The following RAD51C variants were observed in gnomAD, a reference collection of about 807,000 sequenced individuals.
RAD51C encodes the protein DNA repair protein RAD51 homolog 3.
A neutral mutation model predicts 45.0 loss-of-function variants in RAD51C; 42 were observed. That is an observed-to-expected ratio of 0.93 (90% CI 0.73 to 1.21). The LOEUF is 1.21. Among genes scored for constraint, RAD51C ranks in the 50% most tolerant of loss-of-function variants. The pLI is 0.00. For missense variants in RAD51C, 474 were observed against 452.2 expected (o/e 1.05, Z -0.44); for synonymous variants, 172 against 159.8 (o/e 1.08, Z -0.58).
intron 7 of RAD51C, chr17:58,732,278 T>G: frequency 2.1e-6 from 1 of 466,282 alleles, no homozygotes; most frequent in Admixed American, 3.5e-5. Context: ...TTAGGTTGCT[T>G]TAAAATTTCA....
chr17:58,694,982 G>T lies in RAD51C; in HGVS notation c.197G>T (p.Arg66Ile). 6.2e-7 allele frequency: 1 copy of T among 1,614,104 alleles called. No individual in the cohort carries two copies. The change falls in exon 2 of 9, where the codon AGA (arginine) becomes ATA (isoleucine). Residue 66 changes from arginine (R) to isoleucine (I), a missense_variant. Arg to Ile is a moderately conservative substitution (Grantham distance 97). Coordinates refer to ENST00000337432, the MANE Select transcript of RAD51C (RefSeq NM_058216.3). Reference protein sequence around the residue: ...EALETLQIIRRECLTNKPRYA... With the variant: ...EALETLQIIRIECLTNKPRYA... ...TTAGAAACTCTGCAAATTATCAGAA[G>T]AGAATGTCTCACAAATAAACCAAGA...
intron 5 of RAD51C, among the ~76,000 whole-genome samples, chr17:58,711,114 TG>T (rs1172325532): frequency 4.6e-5 from 7 of 152,206 alleles, no homozygotes; most frequent in African/African-American, 1.7e-4. Context: ...TTAAATTAAT[TG>T]TAATTTAGCC....
intron 5 of RAD51C, among the ~76,000 whole-genome samples, chr17:58,720,115 A>C (rs2048864090): frequency 6.6e-6 from 1 of 151,142 alleles, no homozygotes; most frequent in Non-Finnish European, 1.5e-5. Context: ...GATTAATTTC[A>C]TATTACTAAA....
chr17:58,712,738 T>C (rs1054791160), intron 5 of RAD51C, among the ~76,000 whole-genome samples: 2 of 151,932 alleles, frequency 1.3e-5, no homozygotes, highest in African/African-American at 4.8e-5. Context: ...GAGAATGGCA[T>C]GAACCCGGGA....
At chr17:58,698,912 A>G (rs541240109) in intron 3 of RAD51C, among the ~76,000 whole-genome samples, 6 of 151,284 alleles carry the variant, frequency 4.0e-5, no homozygotes, top group Admixed American at 3.3e-4. Flanking sequence ...ACAAAAGTGA[A>G]ACTCCTTCTC....
intron 6 of RAD51C, among the ~76,000 whole-genome samples, chr17:58,721,200 T>C (rs1321218174): frequency 6.6e-6 from 1 of 152,072 alleles, no homozygotes; most frequent in Non-Finnish European, 1.5e-5. Flanking sequence ...GAGAATTGCT[T>C]GAACTTGGGA....
rs2049569143 is a variant in RAD51C, at chr17:58,734,238, C to CA, written c.*19dup. 6.2e-7 allele frequency: 1 copy of CA among 1,602,434 alleles called. No individual in the cohort carries two copies. Among genetic ancestry groups the CA allele is most frequent in the Non-Finnish European group, 8.5e-7 (1 of 1,172,784 alleles). ...AGAATTATAACCCAGAAACAAATCT[C>CA]AAAGTGTACAAATTTATTGATGTTG... On this transcript the variant is annotated 3_prime_UTR_variant, in exon 9 of 9. Coordinates refer to ENST00000337432, the MANE Select transcript of RAD51C (RefSeq NM_058216.3).
chr17:58,699,376 T>TA (rs939655867), intron 3 of RAD51C, among the ~76,000 whole-genome samples: 2 of 151,842 alleles, frequency 1.3e-5, no homozygotes, highest in Non-Finnish European at 2.9e-5. Context: ...ATAAAAGTTT[T>TA]AAAAAAAATG....
chr17:58,731,541 G>T (rs1251651229), intron 7 of RAD51C, among the ~76,000 whole-genome samples: 1 of 152,176 alleles, frequency 6.6e-6, no homozygotes, highest in African/African-American at 2.4e-5. Context: ...TTGCAGGCGT[G>T]AGCCACCGCG....
At chr17:58,708,819 C>T (rs954383553) in intron 4 of RAD51C, among the ~76,000 whole-genome samples, 3 of 151,924 alleles carry the variant, frequency 2.0e-5, no homozygotes, top group Non-Finnish European at 1.5e-5. Flanking sequence ...CCACCTGCTT[C>T]GGCCTCCCAA....
intron 8 of RAD51C, among the ~76,000 whole-genome samples, chr17:58,732,984 A>T (rs569567429): frequency 6.6e-6 from 1 of 152,154 alleles, no homozygotes; most frequent in Non-Finnish European, 1.5e-5. Flanking sequence ...TGAAATATGC[A>T]TATTTATCAA....
chr17:58,725,414 C>T (rs551355962), intron 7 of RAD51C, among the ~76,000 whole-genome samples: 4 of 152,186 alleles, frequency 2.6e-5, no homozygotes, highest in Admixed American at 6.6e-5. Context: ...AAGCACATTC[C>T]GTCATTTATT....
At position 58,692,658 on chromosome 17, in the gene RAD51C, G is replaced by C. The variant is rs777585467; in HGVS notation, c.15G>C (p.Thr5=). The C allele has an allele frequency of 6.2e-7, 1 of 1,614,208 alleles. No individual in the cohort carries two copies. The highest frequency in any genetic ancestry group is 1.7e-5 in the Admixed American group (1 of 60,024). ...GTGAGCCTGCGATGCGCGGGAAGAC[G>C]TTCCGCTTTGAAATGCAGCGGGATT... MRGK[T]FRFEMQRDLV... is the part of the protein sequence containing the mutation. Residue 5 remains threonine, a synonymous_variant, in exon 1 of 9, where the codon ACG becomes ACC. Coordinates refer to ENST00000337432, the MANE Select transcript of RAD51C (RefSeq NM_058216.3).
At chr17:58,701,574 CT>C (rs531420773) in intron 3 of RAD51C, among the ~76,000 whole-genome samples, 26 of 143,154 alleles carry the variant, frequency 1.8e-4, no homozygotes, top group African/African-American at 1.5e-4. Flanking sequence ...CAAAATCAAA[CT>C]TTTTTTTTTT....
chr17:58,695,038 T>G lies in RAD51C; in HGVS notation c.253T>G (p.Cys85Gly), dbSNP rs1060502595. 1.9e-6 allele frequency: 3 copies of G among 1,614,006 alleles called. No homozygotes were observed. The East Asian group carries it at 6.7e-5, about 36-fold the overall frequency. The change falls in exon 2 of 9, where the codon TGT (cysteine) becomes GGT (glycine). Residue 85 changes from cysteine to glycine, a missense_variant. Physicochemically the swap from Cys to Gly is radical, Grantham distance 159. Coordinates refer to ENST00000337432, the MANE Select transcript of RAD51C (RefSeq NM_058216.3). ...YAGTSESHKKCTALELLEQEH... is the reference protein window; with the variant it reads ...YAGTSESHKKGTALELLEQEH... The stretch of plus-strand genomic sequence containing the variant: ...TGGTACATCTGAGTCACACAAGAAG[T>G]GTACAGCACTGGAACTTCTTGAGCA...
At chr17:58,699,566 A>G (rs991393294) in intron 3 of RAD51C, among the ~76,000 whole-genome samples, 3 of 152,068 alleles carry the variant, frequency 2.0e-5, no homozygotes, top group African/African-American at 7.2e-5. Context: ...TGGCATAAGG[A>G]TTATTTTGAG....
chr17:58,696,575 G>A (rs749250612), intron 2 of RAD51C, 118 bp from the exon 3 acceptor site: 40 of 1,178,452 alleles, frequency 3.4e-5, no homozygotes, highest in Non-Finnish European at 4.9e-5. Context: ...GTTGCCTTGG[G>A]GAGTATATTT....
chr17:58,706,002 G>T (rs2048366750), intron 4 of RAD51C: 1 of 152,082 alleles, frequency 6.6e-6, no homozygotes. Flanking sequence ...TTCCCTTCCA[G>T]CTGTGAACGT....
At chr17:58,705,506 G>A (rs923549823) in intron 4 of RAD51C, among the ~76,000 whole-genome samples, 1 of 151,958 alleles carries the variant, frequency 6.6e-6, no homozygotes, top group African/African-American at 2.4e-5. Context: ...GCTAATTTTT[G>A]TATTTTTAGT....
Sources: gnomAD v4.1 joint callset for allele counts (sites outside exome capture counted in the v4.1 genomes callset) on GRCh38, gnomAD v4.1.1 for gene constraint, MANE v1.5 for transcripts, NCBI Gene and HGNC (gene_info 2026-07-23, HGNC 2026-07-21) for gene names.